MANBA: variants seen among roughly 807,000 people sequenced by gnomAD.
The protein encoded by MANBA is beta-mannosidase.
MANBA carries 83 observed loss-of-function variants against 111.1 expected under a neutral mutation model. That is an observed-to-expected ratio of 0.75 (90% CI 0.63 to 0.90). The LOEUF (loss-of-function observed/expected upper bound fraction) is 0.90, where lower values mean the gene tolerates loss of function less well. Among genes scored for constraint, MANBA ranks in the 40% least tolerant of loss-of-function variants. The probability of loss-of-function intolerance (pLI) is 0.00; values close to 1 mark genes in which losing one functional copy is unlikely to be tolerated. For missense variants in MANBA, 1,036 were observed against 1,069.0 expected (o/e 0.97, Z 0.43); for synonymous variants, 370 against 378.7 (o/e 0.98, Z 0.27).
At chr4:102,639,579 G>C in intron 14 of MANBA, 134 bp downstream of exon 14, 1 of 1,225,092 alleles carries the variant, frequency 8.2e-7, no homozygotes, top group Non-Finnish European at 1.2e-6. Flanking sequence ...TCCTAGGCAG[G>C]CTTTTTAAAG....
At chr4:102,728,357 C>CT in intron 1 of MANBA, 1 of 530,686 alleles carries the variant, frequency 1.9e-6, no homozygotes, top group Non-Finnish European at 3.8e-6. Flanking sequence ...TCTCTGCAGG[C>CT]TTTTGCCTAC....
chr4:102,658,488 C>T (rs1039402103), intron 11 of MANBA, among the ~76,000 whole-genome samples: 1 of 152,180 alleles, frequency 6.6e-6, no homozygotes, highest in Non-Finnish European at 1.5e-5. Context: ...AAATCTGAAC[C>T]TTATTATTTG....
Position 102,674,136 on chromosome 4 carries a change from A to C in MANBA, c.961-66T>G, listed in dbSNP as rs1005236355. On this transcript the variant is annotated intron_variant, in intron 7 of 16. Transcript: ENST00000647097. Reference sequence around the variant, plus strand: ...CATAAGCAAAATAGTTTTTTTAAAAAAAGCAGACCTTTTTGAAAAACTACA... The same window carrying C: ...CATAAGCAAAATAGTTTTTTTAAAACAAGCAGACCTTTTTGAAAAACTACA... 5 of 1,285,968 alleles carry C rather than the reference A, an allele frequency of 3.9e-6. No homozygotes were observed. The African/African-American group carries it at 6.0e-5, about 15-fold the overall frequency. The allele number at this position is 1,285,968 out of a possible 1,614,324, so 79.7% of individuals were successfully genotyped here.
At chr4:102,700,907 G>A (rs1179569557) in intron 5 of MANBA, among the ~76,000 whole-genome samples, 5 of 152,058 alleles carry the variant, frequency 3.3e-5, no homozygotes, top group East Asian at 3.9e-4. Context: ...CAATTCCTGG[G>A]TATCCTTGTT....
Position 102,650,702 on chromosome 4 carries a change from C to T in MANBA, c.1705-1G>A, listed in dbSNP as rs1730296951. ...AAGACCAGTCCTCTGTAGACGAGAC[C>T]TTTCAAATAAAGAATAAGAATTAGA... is the stretch of plus-strand genomic sequence containing the variant. On this transcript the variant is annotated splice_acceptor_variant, in intron 12 of 16. Coordinates refer to ENST00000647097, the MANE Select transcript of MANBA (RefSeq NM_005908.4). LOFTEE classifies it high-confidence loss of function. 9 of 1,610,628 alleles carry T rather than the reference C, an allele frequency of 5.6e-6. No homozygotes were observed. The highest frequency in any genetic ancestry group is 7.6e-6 in the Non-Finnish European group (9 of 1,177,032).
At chr4:102,644,928 G>GA (rs1212359294) in intron 13 of MANBA, among the ~76,000 whole-genome samples, 1 of 151,578 alleles carries the variant, frequency 6.6e-6, no homozygotes, top group Non-Finnish European at 1.5e-5. Flanking sequence ...TTTAAAAAAA[G>GA]AAAATCAGTT....
At chr4:102,752,436 T>G (rs1723844009) in intron 1 of MANBA, 5 of 838,754 alleles carry the variant, frequency 6.0e-6, no homozygotes, top group Non-Finnish European at 8.4e-6. Flanking sequence ...AATGGTCTCC[T>G]ACCCATGAAC....
intron 2 of MANBA, 79 bp from the exon 3 acceptor site, chr4:102,724,046 C>T: frequency 3.9e-6 from 3 of 770,390 alleles, no homozygotes; most frequent in African/African-American, 1.8e-5. Context: ...TATTTAAGGC[C>T]TAAAGAAATA....
At position 102,674,072 on chromosome 4, in the gene MANBA, T is replaced by G. The variant is rs1411236177; in HGVS notation, c.961-2A>C. 8.2e-6 allele frequency: 13 copies of G among 1,592,238 alleles called. No homozygotes were observed. Among genetic ancestry groups the G allele is most frequent in the Non-Finnish European group, 1.1e-5 (13 of 1,160,582 alleles). On this transcript the variant is annotated splice_acceptor_variant, in intron 7 of 16. Transcript: ENST00000647097. LOFTEE classifies it high-confidence loss of function. ...AAGTTCCACTGTCCTAAAATAAACC[T>G]GCAATGAACAGAATTAAATGATGAA...
chr4:102,648,932 G>T (rs1476311086), intron 13 of MANBA, among the ~76,000 whole-genome samples: 1 of 150,352 alleles, frequency 6.7e-6, no homozygotes, highest in Non-Finnish European at 1.5e-5. Context: ...CATCTTGATT[G>T]TTTTTTTTTC....
At chr4:102,680,603 G>T (rs1731919912) in intron 7 of MANBA, among the ~76,000 whole-genome samples, 2 of 150,454 alleles carry the variant, frequency 1.3e-5, no homozygotes, top group Admixed American at 1.3e-4. Context: ...AATCACACAG[G>T]AAAAAAAAAG....
At chr4:102,718,547 T>C (rs771362100) in intron 4 of MANBA, among the ~76,000 whole-genome samples, 4 of 152,116 alleles carry the variant, frequency 2.6e-5, no homozygotes, top group South Asian at 2.1e-4. Flanking sequence ...ACAAGGAAGA[T>C]GGCATCAAAC....
chr4:102,631,078 TA>T lies in MANBA; in HGVS notation c.*978del, dbSNP rs1487382287. The T allele has an allele frequency of 6.6e-6, 1 of 151,406 alleles. No individual in the cohort carries two copies. The highest frequency in any genetic ancestry group is 2.4e-5 in the African/African-American group (1 of 40,868). 9.4% of individuals were successfully genotyped at this position (151,406 alleles called of 1,614,324 possible). On this transcript the variant is annotated 3_prime_UTR_variant, in exon 17 of 17. Coordinates refer to ENST00000647097, the MANE Select transcript of MANBA (RefSeq NM_005908.4). Reference sequence around the variant, plus strand: ...GTAAGACTCTACGGAGTCCCAGCCCTAAGTCCCCTTATCCCCTTGATAAGGC... The same window carrying T: ...GTAAGACTCTACGGAGTCCCAGCCCTAGTCCCCTTATCCCCTTGATAAGGC...
intron 1 of MANBA, among the ~76,000 whole-genome samples, chr4:102,734,887 G>A (rs146541886): frequency 6.6e-6 from 1 of 152,278 alleles, no homozygotes; most frequent in Non-Finnish European, 1.5e-5. Flanking sequence ...TAGAAGTTGG[G>A]TCAGCTCACA....
At chr4:102,669,182 T>C in intron 9 of MANBA, 133 bp from the exon 10 acceptor site, 1 of 734,320 alleles carries the variant, frequency 1.4e-6, no homozygotes, top group Non-Finnish European at 2.4e-6. Context: ...GTGTGATCAC[T>C]GGGGCGCCAT....
chr4:102,666,350 AT>A (rs1731218685), intron 10 of MANBA: 1 of 152,264 alleles, frequency 6.6e-6, no homozygotes, highest in South Asian at 2.1e-4. Flanking sequence ...GTTTACAGTT[AT>A]TCATTCATCC....
intron 16 of MANBA, 150 bp downstream of exon 16, chr4:102,634,638 A>T: frequency 9.7e-7 from 1 of 1,028,522 alleles, no homozygotes; most frequent in Non-Finnish European, 1.5e-6. Context: ...GTTTGCTTTT[A>T]GTGGGAAGAG....
chr4:102,684,345 C>A (rs964125145), intron 7 of MANBA, among the ~76,000 whole-genome samples: 4 of 152,114 alleles, frequency 2.6e-5, no homozygotes, highest in Non-Finnish European at 5.9e-5. Flanking sequence ...CAAGTGCTGG[C>A]GAGCATGAGG....
In MANBA at chr4:102,723,049, A is replaced by C; in HGVS notation, c.379-8T>G. 6.2e-7 allele frequency: 1 copy of C among 1,612,278 alleles called. No individual in the cohort carries two copies. The highest frequency in any genetic ancestry group is 1.7e-4 in the Middle Eastern group (1 of 6,052). Reference sequence around the variant, plus strand: ...GTTGGTAATATCAAAGCTCTAAGTTAAAGGGAACAATCAGACAAACCCATG... The same window carrying C: ...GTTGGTAATATCAAAGCTCTAAGTTCAAGGGAACAATCAGACAAACCCATG... On this transcript the variant is annotated splice_region_variant and splice_polypyrimidine_tract_variant and intron_variant, in intron 3 of 16. Transcript: ENST00000647097.
Sources: allele counts gnomAD v4.1 joint callset (sites outside exome capture counted in the v4.1 genomes callset), GRCh38; gene constraint gnomAD v4.1.1; transcripts MANE v1.5; gene names NCBI Gene and HGNC (gene_info 2026-07-23, HGNC 2026-07-21).